The following OR7A10 variants were observed in gnomAD, a reference collection of about 807,000 sequenced individuals.
The protein encoded by OR7A10 is olfactory receptor family 7 subfamily A member 10, also known as olfactory receptor 7A10.
For missense variants in OR7A10, 358 were observed against 370.1 expected, an observed-to-expected ratio of 0.97 and a Z score of 0.27; for synonymous variants, 144 against 144.5, an observed-to-expected ratio of 1.00 and a Z score of 0.02.
intron 1 of OR7A10, among the ~76,000 whole-genome samples, chr19:14,847,952 G>A (rs1457031039): frequency 2.0e-5 from 3 of 151,082 alleles, no homozygotes; most frequent in East Asian, 2.0e-4. Flanking sequence ...GTGAAACCCT[G>A]TCTCTACTAA....
chr19:14,841,557 A>G lies in OR7A10; in HGVS notation c.321T>C (p.Phe107=). 6.2e-7 allele frequency: 1 copy of G among 1,614,218 alleles called. No homozygotes were observed. Among genetic ancestry groups the G allele is most frequent in the Non-Finnish European group, 8.5e-7 (1 of 1,180,050 alleles). Residue 107 remains phenylalanine (F), a synonymous_variant, in exon 2 of 2, where the codon TTT becomes TTC. Transcript: ENST00000641129. The stretch of plus-strand genomic sequence containing the variant: ...TCAGAAGGAAGTTATCCAATCCTAC[A>G]AAGAGTAAGAAAAAGCACATCTGGG... ...CITQMCFFLL[F]VGLDNFLLTV...
intron 1 of OR7A10, among the ~76,000 whole-genome samples, chr19:14,845,058 CACACACACACAA>C (rs980032461): frequency 4.1e-4 from 57 of 137,820 alleles, no homozygotes; most frequent in African/African-American, 1.6e-3. Context: ...GGTGCACACA[CACACACACACAA>C]ACACACACAC....
intron 1 of OR7A10, among the ~76,000 whole-genome samples, chr19:14,847,064 A>G (rs982007756): frequency 1.3e-5 from 2 of 152,236 alleles, no homozygotes; most frequent in Admixed American, 6.5e-5. Context: ...AAGAACATAA[A>G]ACAGCTAAGA....
At chr19:14,846,266 A>AT (rs2044942223) in intron 1 of OR7A10, among the ~76,000 whole-genome samples, 1 of 152,182 alleles carries the variant, frequency 6.6e-6, no homozygotes, top group Admixed American at 6.5e-5. Context: ...TATGCATAGG[A>AT]TTTTGTCTAC....
rs150067687 is a variant in OR7A10 at position 14,845,282 on chromosome 19, C to G, written c.-13+3218G>C. Among the ~76,000 whole-genome samples, 369 of 151,656 alleles carry G rather than the reference C, an allele frequency of 2.4e-3. 2 individuals carry two copies. The highest frequency in any genetic ancestry group is 8.4e-3 in the African/African-American group (346 of 41,318). The stretch of plus-strand genomic sequence containing the variant: ...CTGAGGTCAGGAGTTTGAGACTAGC[C>G]TGACCAACATGGTGACACCCTGTCT... On this transcript the variant is annotated intron_variant, in intron 1 of 1. Coordinates refer to ENST00000641129, the MANE Select transcript of OR7A10 (RefSeq NM_001005190.2).
rs146303789 is a variant in OR7A10 at position 14,841,380 on chromosome 19, C to T, written c.498G>A (p.Leu166=). 1.5e-4 allele frequency: 246 copies of T among 1,613,970 alleles called. No individual in the cohort carries two copies. The highest frequency in any genetic ancestry group is 2.0e-5 in the Non-Finnish European group (24 of 1,180,008). ...SMLQSLMVLP[L]PFCTHMEIPH... Reference sequence around the variant, plus strand: ...GGATTTCCATGTGTGTACAAAAGGGCAGTGGCAACACCATTAAGCTTTGTA... The same window carrying T: ...GGATTTCCATGTGTGTACAAAAGGGTAGTGGCAACACCATTAAGCTTTGTA... The change falls in exon 2 of 2, where the codon CTG becomes CTA. Residue 166 remains leucine, a synonymous_variant. Transcript: ENST00000641129.
chr19:14,847,105 A>G (rs931576061), intron 1 of OR7A10, among the ~76,000 whole-genome samples: 5 of 152,254 alleles, frequency 3.3e-5, no homozygotes, highest in South Asian at 2.1e-4. Flanking sequence ...TTCCTTGTGT[A>G]ATAACTCACA....
At chr19:14,846,706 T>A (rs1382403496) in intron 1 of OR7A10, among the ~76,000 whole-genome samples, 1 of 11,776 alleles carries the variant, frequency 8.5e-5, no homozygotes, top group Non-Finnish European at 1.7e-4. Context: ...CGAGACTCCA[T>A]CTCAAAAAAA....
chr19:14,847,760 T>A (rs4808066), intron 1 of OR7A10, among the ~76,000 whole-genome samples: 1 of 150,710 alleles, frequency 6.6e-6, no homozygotes, highest in Non-Finnish European at 1.5e-5. Flanking sequence ...GTGATCCGCC[T>A]ACCTCGGCCT....
chr19:14,843,288 T>C (rs753275375), intron 1 of OR7A10, among the ~76,000 whole-genome samples: 181 of 152,216 alleles, frequency 1.2e-3, no homozygotes, highest in Non-Finnish European at 2.1e-3. Context: ...CTCAAAGGAC[T>C]TAAAACATGA....
chr19:14,841,017 G>A lies in OR7A10; in HGVS notation c.861C>T (p.Pro287=). 1 of 1,614,104 alleles carries A rather than the reference G, an allele frequency of 6.2e-7. No individual in the cohort carries two copies. Residue 287 remains proline (P), a synonymous_variant, in exon 2 of 2, where the codon CCC becomes CCT. Transcript: ENST00000641129. ...MYTVVTPMLN[P]FIYSLRNKHI... ...GTTTATTCCTCAGACTGTAGATGAAGGGGTTCAGCATGGGGGTGACCACAG... is the reference window on the plus strand; with the variant it reads ...GTTTATTCCTCAGACTGTAGATGAAAGGGTTCAGCATGGGGGTGACCACAG...
At chr19:14,843,900 T>C (rs2044927505) in intron 1 of OR7A10, among the ~76,000 whole-genome samples, 1 of 152,012 alleles carries the variant, frequency 6.6e-6, no homozygotes, top group South Asian at 2.1e-4. Flanking sequence ...CATCACACAC[T>C]GGGGACTGTC....
chr19:14,844,940 G>A (rs1255934453), intron 1 of OR7A10, among the ~76,000 whole-genome samples: 1 of 151,414 alleles, frequency 6.6e-6, no homozygotes, highest in Non-Finnish European at 1.5e-5. Context: ...TGGGATTATA[G>A]GCGTAAGCCA....
At chr19:14,847,383 A>G (rs2044947682) in intron 1 of OR7A10, among the ~76,000 whole-genome samples, 1 of 152,246 alleles carries the variant, frequency 6.6e-6, no homozygotes, top group African/African-American at 2.4e-5. Context: ...AATACCTAGC[A>G]TAAGAAAAGC....
chr19:14,842,048 G>A (rs746759899), intron 1 of OR7A10, among the ~76,000 whole-genome samples, 159 bp from the exon 2 acceptor site: 20 of 152,064 alleles, frequency 1.3e-4, no homozygotes, highest in Non-Finnish European at 2.8e-4. Context: ...AAAATTATAT[G>A]TATTTATCAC....
At chr19:14,845,615 G>A (rs751492472) in intron 1 of OR7A10, among the ~76,000 whole-genome samples, 12 of 152,168 alleles carry the variant, frequency 7.9e-5, no homozygotes, top group Non-Finnish European at 1.3e-4. Flanking sequence ...GAGTAGGGTT[G>A]GAACTTACAA....
intron 1 of OR7A10, among the ~76,000 whole-genome samples, chr19:14,844,664 G>GTTTTTTTTTTTTTTTTTTTATTTTTTTTT (rs1348866444): frequency 1.0e-5 from 1 of 97,660 alleles, no homozygotes; most frequent in African/African-American, 4.0e-5. Context: ...TGAGTTCTGT[G>GTTTTTTTTTTTTTTTTTTTATTTTTTTTT]TTTTTTTTTT....
At chr19:14,848,155 TC>T (rs1169146767) in intron 1 of OR7A10, among the ~76,000 whole-genome samples, 4 of 151,792 alleles carry the variant, frequency 2.6e-5, no homozygotes, top group Non-Finnish European at 5.9e-5. Flanking sequence ...TCCTTTCGTA[TC>T]CCCCATAGCT....
At chr19:14,845,070 AACACAC>A (rs200527978) in intron 1 of OR7A10, among the ~76,000 whole-genome samples, 20 of 141,704 alleles carry the variant, frequency 1.4e-4, no homozygotes, top group Admixed American at 2.8e-4. Flanking sequence ...CACACACACA[AACACAC>A]ACACACACAC....
Sources: allele counts gnomAD v4.1 joint callset (sites outside exome capture counted in the v4.1 genomes callset), GRCh38; gene constraint gnomAD v4.1.1; transcripts MANE v1.5; gene names NCBI Gene and HGNC (gene_info 2026-07-23, HGNC 2026-07-21).